The following AGRN variants were observed in gnomAD, a reference collection of about 807,000 sequenced individuals.
The protein encoded by AGRN is agrin proteoglycan.
Under a neutral mutation model 211.0 loss-of-function variants are expected in AGRN, and 106 were observed. That is an observed-to-expected ratio of 0.50 (90% CI 0.43 to 0.59). The LOEUF (loss-of-function observed/expected upper bound fraction) is 0.59. Ranked by LOEUF, AGRN falls within the 20% of genes least tolerant of loss-of-function variation. AGRN has a pLI of 0.00. For synonymous variants in AGRN, 1,525 were observed against 1,332.5 expected, an observed-to-expected ratio of 1.14 and a Z score of -3.15; for missense variants, 3,040 against 2,982.6, an observed-to-expected ratio of 1.02 and a Z score of -0.45.
intron 2 of AGRN, 131 bp from the exon 3 acceptor site, chr1:1,035,146 G>A: frequency 1.9e-6 from 2 of 1,076,130 alleles, no homozygotes; most frequent in East Asian, 2.5e-5. Context: ...CCCTTCAGCA[G>A]CCTGGATCCC....
intron 28 of AGRN, 34 bp downstream of exon 28, chr1:1,050,363 C>G: frequency 6.2e-7 from 1 of 1,612,644 alleles, no homozygotes; most frequent in Non-Finnish European, 8.5e-7. Flanking sequence ...AAGGGCCGGC[C>G]CCCACCTCCG....
chr1:1,023,054 T>G (rs995696935), intron 2 of AGRN, among the ~76,000 whole-genome samples: 1 of 152,144 alleles, frequency 6.6e-6, no homozygotes, highest in Non-Finnish European at 1.5e-5. Context: ...CAAGTCCCAG[T>G]TGGGGACTGA....
chr1:1,049,474 T>C, intron 25 of AGRN, 23 bp downstream of exon 25: 1 of 1,600,352 alleles, frequency 6.2e-7, no homozygotes, highest in Non-Finnish European at 8.5e-7. Context: ...GAGGGTGGTG[T>C]GGCCCCGACC....
rs780861647 is a variant in AGRN, at chr1:1,050,073, G to A, written c.4879+36G>A. 5.4e-5 allele frequency: 82 copies of A among 1,519,002 alleles called. 1 individual carries two copies. The East Asian group carries it at 1.3e-3, about 24-fold the overall frequency. 94.1% of individuals were successfully genotyped at this position (1,519,002 alleles called of 1,614,324 possible). A position where few individuals can be genotyped will look rare whatever the true frequency, so the allele number is the denominator to read the frequency against. ...TGGGGCTCTCGGGGCAGGGGGGGGG[G>A]GGGGGTTGAACGTTTGGGCGGGTAC... is the stretch of plus-strand genomic sequence containing the variant. On this transcript the variant is annotated intron_variant, in intron 27 of 35. Transcript: ENST00000379370.
intron 3 of AGRN, among the ~76,000 whole-genome samples, chr1:1,038,756 A>G (rs995391391): frequency 6.6e-6 from 1 of 152,188 alleles, no homozygotes; most frequent in Admixed American, 6.5e-5. Flanking sequence ...AGCCCAGGAG[A>G]ACAGCTGGCT....
intron 2 of AGRN, chr1:1,034,631 C>A: frequency 1.2e-5 from 12 of 987,292 alleles, no homozygotes; most frequent in Non-Finnish European, 1.2e-5. Flanking sequence ...CTTCATGGTG[C>A]CCTGCAACGC....
chr1:1,051,052 G>T lies in AGRN; in HGVS notation c.5254-201G>T, dbSNP rs558915417. On this transcript the variant is annotated intron_variant, in intron 30 of 35. Coordinates refer to ENST00000379370, the MANE Select transcript of AGRN (RefSeq NM_198576.4). ...GCCAGAAATCCCGCAAGGTACTGTC[G>T]GCCTCTCATCCGCTCACCGTCTCTG... 5.8e-6 allele frequency: 9 copies of T among 1,548,784 alleles called. No individual in the cohort carries two copies. In the African/African-American group the frequency reaches 9.6e-5, roughly 17 times the overall value.
chr1:1,047,193 C>T lies in AGRN; in HGVS notation c.3389-134C>T, dbSNP rs3813192. On this transcript the variant is annotated intron_variant, in intron 19 of 35. Coordinates refer to ENST00000379370, the MANE Select transcript of AGRN (RefSeq NM_198576.4). The stretch of plus-strand genomic sequence containing the variant: ...CGACACCAGCCCCACCCTGGGGTCC[C>T]CACTAACCTCATGACCATCTGACTA... The T allele has an allele frequency of 7.0e-3, 10,175 of 1,443,300 alleles. 176 individuals carry two copies. The highest frequency in any genetic ancestry group is 0.058 in the African/African-American group (4,053 of 70,144). The allele number at this position is 1,443,300 out of a possible 1,614,324, so 89.4% of individuals were successfully genotyped here. A position where few individuals can be genotyped will look rare whatever the true frequency, so the allele number is the denominator to read the frequency against.
At position 1,055,730 on chromosome 1, in the gene AGRN, G is replaced by A. The variant is rs956471987; in HGVS notation, c.*749G>A. The A allele has an allele frequency of 2.0e-5, 3 of 153,638 alleles. No homozygotes were observed. Among genetic ancestry groups the A allele is most frequent in the African/African-American group, 7.2e-5 (3 of 41,478 alleles). 9.5% of individuals were successfully genotyped at this position (153,638 alleles called of 1,614,324 possible). A position where few individuals can be genotyped will look rare whatever the true frequency, so the allele number is the denominator to read the frequency against. ...GCCTGGCCATGGCTGTGTTCTTCAT[G>A]TGTTGATTTTATTTGACCCCTGGAG... On this transcript the variant is annotated 3_prime_UTR_variant, in exon 36 of 36. Transcript: ENST00000379370.
chr1:1,044,203 G>A lies in AGRN; in HGVS notation c.2094G>A (p.Ser698=), dbSNP rs200653840. The A allele has an allele frequency of 5.1e-5, 83 of 1,613,012 alleles. No individual in the cohort carries two copies. Among genetic ancestry groups the A allele is most frequent in the Middle Eastern group, 1.6e-4 (1 of 6,084 alleles). ...GCGGTGGCATCTGGGACGAGGACTC[G>A]GAGGACGGGCCGTGTGTCTGTGACT... ...RQRGGIWDED[S]EDGPCVCDFS... Residue 698 remains serine (S), a synonymous_variant, in exon 11 of 36, where the codon TCG becomes TCA. Transcript: ENST00000379370.
intron 3 of AGRN, among the ~76,000 whole-genome samples, chr1:1,036,778 T>TG (rs1644814512): frequency 6.6e-6 from 1 of 152,146 alleles, no homozygotes; most frequent in Admixed American, 6.5e-5. Context: ...AGGCTTCTCT[T>TG]GGACTGTGGG....
At chr1:1,034,519 G>T in intron 2 of AGRN, 1 of 985,922 alleles carries the variant, frequency 1.0e-6, no homozygotes. Flanking sequence ...GAGCCCCCAC[G>T]CTCTGAGAGT....
At chr1:1,052,066 C>A in intron 33 of AGRN, 2 of 1,477,430 alleles carry the variant, frequency 1.4e-6, no homozygotes, top group Non-Finnish European at 1.8e-6. Flanking sequence ...ACTCCTCCAT[C>A]CTTCCTGGTG....
At chr1:1,044,044 G>A (rs749476994) in intron 10 of AGRN, 21 bp downstream of exon 10, 12 of 1,611,770 alleles carry the variant, frequency 7.4e-6, no homozygotes, top group East Asian at 4.5e-5. Flanking sequence ...GGACGCTGGC[G>A]AAAACTGCTG....
intron 33 of AGRN, chr1:1,052,028 T>C: frequency 6.6e-7 from 1 of 1,520,778 alleles, no homozygotes; most frequent in East Asian, 2.6e-5. Context: ...TGAGTAGAGC[T>C]CGGCGCCCCC....
chr1:1,045,017 C>A, intron 12 of AGRN, 144 bp from the exon 13 acceptor site: 1 of 825,606 alleles, frequency 1.2e-6, no homozygotes, highest in Non-Finnish European at 2.0e-6. Context: ...CCTGTGTCCT[C>A]AGCCCCAGGC....
At chr1:1,036,837 C>T (rs1294288158) in intron 3 of AGRN, among the ~76,000 whole-genome samples, 5 of 152,194 alleles carry the variant, frequency 3.3e-5, no homozygotes, top group Non-Finnish European at 7.4e-5. Context: ...CTCTGAGGGG[C>T]CTCATGCCGG....
At chr1:1,045,692 C>T in intron 14 of AGRN, 41 bp from the exon 15 acceptor site, 1 of 1,613,008 alleles carries the variant, frequency 6.2e-7, no homozygotes, top group Non-Finnish European at 8.5e-7. Flanking sequence ...GGAAGCCCGT[C>T]CAGGTGCGGA....
intron 12 of AGRN, among the ~76,000 whole-genome samples, chr1:1,044,898 T>C (rs571013033): frequency 2.0e-5 from 3 of 152,220 alleles, no homozygotes; most frequent in Admixed American, 1.3e-4. Context: ...GAAGCTCGCG[T>C]GTGTGTGTGC....
Sources: gnomAD v4.1 joint callset for allele counts (sites outside exome capture counted in the v4.1 genomes callset) on GRCh38, gnomAD v4.1.1 for gene constraint, MANE v1.5 for transcripts, NCBI Gene and HGNC (gene_info 2026-07-23, HGNC 2026-07-21) for gene names.